Variants in AUTS2 observed in about 807,000 individuals in gnomAD.
AUTS2 encodes the protein activator of transcription and developmental regulator AUTS2.
In AUTS2, 17 loss-of-function variants were observed where a neutral mutation model predicts 112.4. The observed-to-expected ratio is 0.15, with a 90% CI of 0.10 to 0.23. The LOEUF (loss-of-function observed/expected upper bound fraction) is 0.23, where lower values mean the gene tolerates loss of function less well. AUTS2 is among the 10% of genes least tolerant of loss of function. The pLI is 1.00. For synonymous variants in AUTS2, 751 were observed against 702.7 expected (o/e 1.07, Z -1.09); for missense variants, 1,510 against 1,701.6 (o/e 0.89, Z 1.98).
intron 2 of AUTS2, among the ~76,000 whole-genome samples, chr7:69,911,875 G>T (rs978132508): frequency 6.6e-6 from 1 of 152,140 alleles, no homozygotes; most frequent in South Asian, 2.1e-4. Flanking sequence ...CACCCTGGCC[G>T]CTAGGCTTCA....
At chr7:70,753,564 G>A (rs188269166) in intron 6 of AUTS2, among the ~76,000 whole-genome samples, 6 of 152,222 alleles carry the variant, frequency 3.9e-5, no homozygotes, top group Non-Finnish European at 7.4e-5. Context: ...CCTTCCATTC[G>A]TTCAAGTAAT....
At chr7:69,855,145 G>T (rs1028958715) in intron 1 of AUTS2, among the ~76,000 whole-genome samples, 1 of 152,186 alleles carries the variant, frequency 6.6e-6, no homozygotes, top group African/African-American at 2.4e-5. Context: ...TAAATTAAGA[G>T]CATTACCTAT....
chr7:69,809,472 G>A (rs145830007), intron 1 of AUTS2, among the ~76,000 whole-genome samples: 5 of 152,242 alleles, frequency 3.3e-5, no homozygotes, highest in African/African-American at 9.6e-5. Context: ...GCTTAAGAAC[G>A]GAGGAAACAT....
chr7:69,974,163 T>C (rs1029118914), intron 2 of AUTS2, among the ~76,000 whole-genome samples: 6 of 151,874 alleles, frequency 4.0e-5, no homozygotes, highest in Middle Eastern at 3.4e-3. Context: ...CTGGTAGTTT[T>C]TCTTTGTAAG....
At chr7:69,714,249 A>ATGTGTGTGTGTG (rs200192496) in intron 1 of AUTS2, among the ~76,000 whole-genome samples, 977 of 92,794 alleles carry the variant, frequency 0.011, 13 homozygotes, top group African/African-American at 0.03. Flanking sequence ...GTGTGTGTAT[A>ATGTGTGTGTGTG]TGTGTGTGTG....
At chr7:70,098,686 G>A (rs1475454524) in intron 2 of AUTS2, among the ~76,000 whole-genome samples, 2 of 150,816 alleles carry the variant, frequency 1.3e-5, no homozygotes, top group Non-Finnish European at 3.0e-5. Context: ...AAATCCAGAA[G>A]TTTTAAACTT....
At chr7:70,225,824 T>C (rs1202632054) in intron 4 of AUTS2, among the ~76,000 whole-genome samples, 3 of 152,192 alleles carry the variant, frequency 2.0e-5, no homozygotes, top group Admixed American at 6.5e-5. Context: ...GCTGTGTTCA[T>C]GTAATTTCTT....
intron 3 of AUTS2, among the ~76,000 whole-genome samples, chr7:70,125,781 A>T (rs1018566685): frequency 6.6e-6 from 1 of 152,112 alleles, no homozygotes; most frequent in Non-Finnish European, 1.5e-5. Flanking sequence ...CTCTTCTCTC[A>T]AATATTATTG....
chr7:69,799,238 A>G (rs542630629), intron 1 of AUTS2, among the ~76,000 whole-genome samples: 1 of 152,008 alleles, frequency 6.6e-6, no homozygotes, highest in Non-Finnish European at 1.5e-5. Context: ...TGGTATCTCA[A>G]CCCAGATTCA....
chr7:70,387,582 T>C (rs1447246953), intron 4 of AUTS2, among the ~76,000 whole-genome samples: 3 of 152,212 alleles, frequency 2.0e-5, no homozygotes, highest in Non-Finnish European at 4.4e-5. Context: ...GACTCATTGC[T>C]CAAAACAGAA....
At chr7:70,775,127 T>C (rs1790603904) in intron 12 of AUTS2, 3 of 553,500 alleles carry the variant, frequency 5.4e-6, no homozygotes, top group Non-Finnish European at 9.5e-6. Flanking sequence ...TGATTAAACT[T>C]GTACAGGGGC....
chr7:69,804,825 G>A (rs185160295), intron 1 of AUTS2, among the ~76,000 whole-genome samples: 6 of 152,208 alleles, frequency 3.9e-5, no homozygotes, highest in Admixed American at 3.3e-4. Context: ...TCATCATCTG[G>A]GAACTTGTTT....
At chr7:70,398,202 T>C (rs536215417) in intron 4 of AUTS2, among the ~76,000 whole-genome samples, 37 of 152,354 alleles carry the variant, frequency 2.4e-4, no homozygotes, top group African/African-American at 8.9e-4. Flanking sequence ...ACTACAGCTT[T>C]ATGATATGCT....
At chr7:70,439,406 G>A (rs1165142700) in intron 5 of AUTS2, among the ~76,000 whole-genome samples, 1 of 152,088 alleles carries the variant, frequency 6.6e-6, no homozygotes, top group African/African-American at 2.4e-5. Flanking sequence ...GGGCGTGGTA[G>A]CACGTGCCTG....
intron 2 of AUTS2, among the ~76,000 whole-genome samples, chr7:70,073,097 CT>C (rs546032568): frequency 3.0e-5 from 4 of 135,432 alleles, no homozygotes; most frequent in Admixed American, 7.5e-5. Flanking sequence ...TTCTCCTCTC[CT>C]TTTTTTTTTC....
chr7:70,502,842 C>T (rs1308070390), intron 5 of AUTS2, among the ~76,000 whole-genome samples: 1 of 152,174 alleles, frequency 6.6e-6, no homozygotes, highest in East Asian at 1.9e-4. Flanking sequence ...GTGAAGACTT[C>T]AGGAAAACAG....
intron 2 of AUTS2, among the ~76,000 whole-genome samples, chr7:70,104,400 C>A (rs1804662998): frequency 6.6e-6 from 1 of 152,074 alleles, no homozygotes; most frequent in South Asian, 2.1e-4. Context: ...GCGAAATATC[C>A]TGCTGATTGC....
At chr7:70,221,794 G>A (rs369726956) in intron 4 of AUTS2, among the ~76,000 whole-genome samples, 5 of 152,166 alleles carry the variant, frequency 3.3e-5, no homozygotes, top group South Asian at 2.1e-4. Flanking sequence ...GGCTGAGGCC[G>A]GAGAATTACT....
At chr7:70,700,108 C>T (rs1003499528) in intron 6 of AUTS2, among the ~76,000 whole-genome samples, 2 of 152,194 alleles carry the variant, frequency 1.3e-5, no homozygotes, top group African/African-American at 4.8e-5. Context: ...GTCTTCAGGG[C>T]GGATGAACAG....
Sources: allele counts gnomAD v4.1 joint callset (sites outside exome capture counted in the v4.1 genomes callset), GRCh38; gene constraint gnomAD v4.1.1; transcripts MANE v1.5; gene names NCBI Gene and HGNC (gene_info 2026-07-23, HGNC 2026-07-21).